KNTC1: variants seen among roughly 807,000 people sequenced by gnomAD.
The protein encoded by KNTC1 is kinetochore-associated protein 1.
KNTC1 carries 253 observed loss-of-function variants against 314.4 expected under a neutral mutation model. The observed-to-expected ratio is 0.80, with a 90% CI of 0.73 to 0.89. KNTC1 has a LOEUF of 0.89. Ranked by LOEUF, KNTC1 falls within the 40% of genes least tolerant of loss-of-function variation. KNTC1 has a pLI of 0.00. For synonymous variants in KNTC1, 901 were observed against 901.4 expected (o/e 1.00, Z 0.01); for missense variants, 2,475 against 2,572.9 (o/e 0.96, Z 0.82).
chr12:122,604,517 AG>A (rs1566009689), intron 48 of KNTC1, 46 bp from the exon 49 acceptor site: 4 of 1,097,738 alleles, frequency 3.6e-6, no homozygotes. Flanking sequence ...GAAAAGATTA[AG>A]ATTTGCCTGT....
chr12:122,589,965 A>T (rs1487930419), intron 40 of KNTC1, among the ~76,000 whole-genome samples: 2 of 151,704 alleles, frequency 1.3e-5, no homozygotes, highest in African/African-American at 2.4e-5. Flanking sequence ...TGGTATTTTT[A>T]GTAGAGACCG....
intron 51 of KNTC1, chr12:122,609,053 T>A (rs1872833091): frequency 7.9e-6 from 2 of 253,332 alleles, no homozygotes; most frequent in South Asian, 9.5e-5. Context: ...AGCAAGATCC[T>A]GTCTCCAAAA....
intron 2 of KNTC1, among the ~76,000 whole-genome samples, chr12:122,532,653 G>A (rs1379202518): frequency 2.0e-5 from 3 of 152,110 alleles, no homozygotes; most frequent in Non-Finnish European, 4.4e-5. Context: ...TTATTAGCAC[G>A]TGGCATACAC....
chr12:122,567,438 A>G (rs1032128162), intron 20 of KNTC1, among the ~76,000 whole-genome samples: 1 of 152,192 alleles, frequency 6.6e-6, no homozygotes, highest in African/African-American at 2.4e-5. Context: ...ATTTCATTTG[A>G]TCTTGTTTTT....
intron 51 of KNTC1, among the ~76,000 whole-genome samples, chr12:122,605,817 T>A (rs1872526637): frequency 6.6e-6 from 1 of 152,186 alleles, no homozygotes; most frequent in Non-Finnish European, 1.5e-5. Context: ...GTGCTGGGAT[T>A]ACAGGCGTGA....
Position 122,562,628 on chromosome 12 carries a change from T to C in KNTC1, c.1543-10T>C. On this transcript the variant is annotated splice_polypyrimidine_tract_variant and intron_variant, in intron 19 of 63. Transcript: ENST00000333479. ...TATAAATTCAGATTATTAAATTATT[T>C]TTTCTTCAGGTGCTAAGAGCTCATG... 1 of 1,532,826 alleles carries C rather than the reference T, an allele frequency of 6.5e-7. No individual in the cohort carries two copies. The highest frequency in any genetic ancestry group is 9.0e-7 in the Non-Finnish European group (1 of 1,110,090). 95.0% of individuals were successfully genotyped at this position (1,532,826 alleles called of 1,614,324 possible).
rs762991897 is a variant in KNTC1 at position 122,594,309 on chromosome 12, C to T, written c.4279C>T (p.Leu1427Phe). 4 of 1,609,908 alleles carry T rather than the reference C, an allele frequency of 2.5e-6. No homozygotes were observed. The highest frequency in any genetic ancestry group is 3.4e-6 in the Non-Finnish European group (4 of 1,176,988). ...SFQPVFRQHFLTKKDLIKALV... is the reference protein window; with the variant it reads ...SFQPVFRQHFFTKKDLIKALV... ...TCAACCAGTTTTCAGGCAACATTTTCTCACCAAGAAAGACCTCATTAAAGC... is the reference window on the plus strand; with the variant it reads ...TCAACCAGTTTTCAGGCAACATTTTTTCACCAAGAAAGACCTCATTAAAGC... Residue 1427 changes from leucine to phenylalanine, a missense_variant, in exon 43 of 64, where the codon CTC (leucine) becomes TTC (phenylalanine). By Grantham distance (22) the Leu-to-Phe change is conservative. Transcript: ENST00000333479.
chr12:122,529,467 T>A (rs1961122913), intron 1 of KNTC1, among the ~76,000 whole-genome samples: 1 of 152,170 alleles, frequency 6.6e-6, no homozygotes, highest in Non-Finnish European at 1.5e-5. Flanking sequence ...GGTTTCAAGC[T>A]TAGTCTTTGA....
intron 40 of KNTC1, among the ~76,000 whole-genome samples, chr12:122,589,281 T>C (rs1593623281): frequency 1.3e-5 from 2 of 152,138 alleles, no homozygotes; most frequent in African/African-American, 2.4e-5. Flanking sequence ...CACTTATTTC[T>C]ATTGCAGAAA....
chr12:122,561,327 A>G (rs914659391), intron 18 of KNTC1, among the ~76,000 whole-genome samples: 3 of 151,586 alleles, frequency 2.0e-5, no homozygotes, highest in African/African-American at 7.3e-5. Flanking sequence ...AAAAAAAAAT[A>G]ATAATAATAA....
chr12:122,612,866 A>T (rs1208938351), intron 53 of KNTC1: 1 of 453,594 alleles, frequency 2.2e-6, no homozygotes, highest in African/African-American at 2.0e-5. Flanking sequence ...GTAAAGGCAA[A>T]TAACATCTTA....
At chr12:122,600,176 T>G (rs892690060) in intron 44 of KNTC1, among the ~76,000 whole-genome samples, 2 of 152,184 alleles carry the variant, frequency 1.3e-5, no homozygotes. Flanking sequence ...CTTGGCTCAC[T>G]GCAACCTCCG....
At chr12:122,595,934 T>A (rs1870974096) in intron 43 of KNTC1, among the ~76,000 whole-genome samples, 1 of 152,258 alleles carries the variant, frequency 6.6e-6, no homozygotes, top group Admixed American at 6.5e-5. Flanking sequence ...AACTTTAGAA[T>A]ATCAGAGAGT....
In KNTC1 at chr12:122,591,368, G is replaced by C; in HGVS notation, c.4160G>C (p.Ser1387Thr). Reference sequence around the variant, plus strand: ...TCTCTGGTGGGCTCTGAGCTGGCAAGTCTCTATCAGGAAATAGAAATGGGG... The same window carrying C: ...TCTCTGGTGGGCTCTGAGCTGGCAACTCTCTATCAGGAAATAGAAATGGGG... The part of the protein sequence containing the change: ...AISLVGSELA[S>T]LYQEIEMGLK... Residue 1387 changes from serine to threonine, a missense_variant, in exon 42 of 64, where the codon AGT (serine) becomes ACT (threonine). Physicochemically the swap from Ser to Thr is moderately conservative, Grantham distance 58. Coordinates refer to ENST00000333479, the MANE Select transcript of KNTC1 (RefSeq NM_014708.6). The C allele has an allele frequency of 1.9e-6, 3 of 1,610,292 alleles. No homozygotes were observed. The highest frequency in any genetic ancestry group is 2.5e-6 in the Non-Finnish European group (3 of 1,176,788).
In KNTC1 at chr12:122,573,002, G is replaced by A. The variant is rs747081425; in HGVS notation, c.2085G>A (p.Leu695=). ...LRTLVNNLRE[L]ITLHRKYNCK... is the part of the protein sequence containing the mutation. ...CTTTGGTAAATAACTTGCGAGAGTT[G>A]ATCACGTTGCATAGGAAGTACAACT... Residue 695 remains leucine, a synonymous_variant, in exon 25 of 64, where the codon TTG becomes TTA. Transcript: ENST00000333479. 14 of 1,610,092 alleles carry A rather than the reference G, an allele frequency of 8.7e-6. No individual in the cohort carries two copies. Among genetic ancestry groups the A allele is most frequent in the Non-Finnish European group, 1.2e-5 (14 of 1,177,684 alleles).
chr12:122,545,122 A>G (rs1962658809), intron 8 of KNTC1, among the ~76,000 whole-genome samples: 1 of 152,232 alleles, frequency 6.6e-6, no homozygotes, highest in South Asian at 2.1e-4. Flanking sequence ...TGTCACTTCC[A>G]GTAACCCTGA....
chr12:122,541,270 T>TG (rs1347840633), intron 5 of KNTC1, among the ~76,000 whole-genome samples: 2 of 108,428 alleles, frequency 1.8e-5, no homozygotes, highest in African/African-American at 7.3e-5. Flanking sequence ...CTTGCCTGCC[T>TG]GCCTGCCTGC....
intron 40 of KNTC1, among the ~76,000 whole-genome samples, chr12:122,589,473 T>G (rs78779460): frequency 6.8e-4 from 27 of 39,914 alleles, no homozygotes; most frequent in East Asian, 1.5e-3. Context: ...AAAATTGTGT[T>G]TTTTTTTTTT....
chr12:122,534,575 A>T, intron 2 of KNTC1, 89 bp from the exon 3 acceptor site: 1 of 1,244,008 alleles, frequency 8.0e-7, no homozygotes, highest in South Asian at 1.4e-5. Flanking sequence ...TTAAAGTGGG[A>T]TATTTGGGAA....
Sources: allele counts gnomAD v4.1 joint callset (sites outside exome capture counted in the v4.1 genomes callset), GRCh38; gene constraint gnomAD v4.1.1; transcripts MANE v1.5; gene names NCBI Gene and HGNC (gene_info 2026-07-23, HGNC 2026-07-21).